The following SZT2 variants were observed in gnomAD, a reference collection of about 807,000 sequenced individuals.
SZT2 encodes the protein SZT2 subunit of KICSTOR complex, also known as KICSTOR complex protein SZT2.
SZT2 carries 216 observed loss-of-function variants against 404.2 expected under a neutral mutation model. The ratio of observed to expected loss-of-function variants is 0.53; its 90% CI spans 0.48 to 0.60. SZT2 has a LOEUF of 0.60. Among genes scored for constraint, SZT2 ranks in the 20% least tolerant of loss-of-function variants. The probability of loss-of-function intolerance (pLI) is 0.00; values close to 1 mark genes in which losing one functional copy is unlikely to be tolerated. For synonymous variants in SZT2, 1,693 were observed against 1,749.9 expected (o/e 0.97, Z 0.81); for missense variants, 3,857 against 4,459.2 (o/e 0.86, Z 3.85).
rs1301582193 is a variant in SZT2 at position 43,389,973 on chromosome 1, C to T, written c.5C>T (p.Ala2Val). Residue 2 changes from alanine to valine, a missense_variant, in exon 1 of 72, where the codon GCC (alanine) becomes GTC (valine). Transcript: ENST00000634258. The part of the protein sequence containing the change: M[A>V]SERPEPEVEE... Reference sequence around the variant, plus strand: ...CCGGCGCGGGAGGGCTGTGTGATGGCCTCGGAGCGCCCGGAGCCGGAGGTG... The same window carrying T: ...CCGGCGCGGGAGGGCTGTGTGATGGTCTCGGAGCGCCCGGAGCCGGAGGTG... The T allele has an allele frequency of 2.3e-5, 33 of 1,405,862 alleles. No individual in the cohort carries two copies. Among genetic ancestry groups the T allele is most frequent in the Non-Finnish European group, 3.0e-5 (33 of 1,082,320 alleles). The allele number at this position is 1,405,862 out of a possible 1,614,324, so 87.1% of individuals were successfully genotyped here.
At chr1:43,432,124 A>G in intron 36 of SZT2, 148 bp from the exon 37 acceptor site, 1 of 1,098,818 alleles carries the variant, frequency 9.1e-7, no homozygotes, top group Non-Finnish European at 1.3e-6. Context: ...AACCTTAGGC[A>G]AGTCACTGAA....
intron 4 of SZT2, among the ~76,000 whole-genome samples, chr1:43,407,827 CTT>C (rs1273177130): frequency 1.7e-3 from 163 of 94,450 alleles, no homozygotes; most frequent in Middle Eastern, 0.019. Context: ...AAATTCTAAC[CTT>C]TTTTTTTTTT....
At chr1:43,429,577 T>C in intron 28 of SZT2, 126 bp from the exon 29 acceptor site, 3 of 1,163,278 alleles carry the variant, frequency 2.6e-6, no homozygotes, top group Non-Finnish European at 3.7e-6. Flanking sequence ...TTACCACCCA[T>C]GCCATTACGC....
Position 43,396,578 on chromosome 1 carries a change from C to T in SZT2, c.27+6583C>T, listed in dbSNP as rs76434812. On this transcript the variant is annotated intron_variant, in intron 1 of 71. Coordinates refer to ENST00000634258, the MANE Select transcript of SZT2 (RefSeq NM_001365999.1). ...TTCTGACTCAAAGAAGAGAGGTAAACAGCAACACTTTGTTATTACTAATCT... is the reference window on the plus strand; with the variant it reads ...TTCTGACTCAAAGAAGAGAGGTAAATAGCAACACTTTGTTATTACTAATCT... Among the ~76,000 whole-genome samples the T allele has an allele frequency of 3.0e-3, 450 of 152,302 alleles. 5 individuals are homozygous for T. Among genetic ancestry groups the T allele is most frequent in the African/African-American group, 0.01 (429 of 41,552 alleles).
At position 43,442,290 on chromosome 1, in the gene SZT2, C is replaced by A. The variant is rs773642457; in HGVS notation, c.7896C>A (p.Phe2632Leu). 4 of 1,613,902 alleles carry A rather than the reference C, an allele frequency of 2.5e-6. No individual in the cohort carries two copies. The highest frequency in any genetic ancestry group is 3.4e-6 in the Non-Finnish European group (4 of 1,179,910). Reference sequence around the variant, plus strand: ...TAGCTGCCAAAGCCATGCAGCGCTTCGAGCCAGGAGGTGATGGGAGCTCAG... The same window carrying A: ...TAGCTGCCAAAGCCATGCAGCGCTTAGAGCCAGGAGGTGATGGGAGCTCAG... ...TQQAAKAMQR[F>L]EPGGDGSSGR... The change falls in exon 57 of 72, where the codon TTC (phenylalanine) becomes TTA (leucine). Residue 2632 changes from phenylalanine (F) to leucine (L), a missense_variant. Phe to Leu is a conservative substitution (Grantham distance 22). This residue lies in a region of SZT2 where 573 missense variants were observed against 592.4 expected (regional missense o/e 0.97). Transcript: ENST00000634258. This position sits in a 1 kb window ranked among gnomAD's most constrained non-coding sequence, Gnocchi z 4.5.
chr1:43,437,513 G>A lies in SZT2; in HGVS notation c.6290+5G>A. ...AAAGGCTGTGTACTATCTTCGGTAT[G>A]TGGCCCTTGGAAGGTGGGTAGGGCA... On this transcript the variant is annotated splice_donor_5th_base_variant and intron_variant, in intron 44 of 71. Transcript: ENST00000634258. The surrounding 1 kb of genome is among the most constrained non-coding windows in gnomAD (Gnocchi z 5.3). The A allele has an allele frequency of 6.2e-7, 1 of 1,614,156 alleles. No homozygotes were observed.
chr1:43,425,233 G>A lies in SZT2; in HGVS notation c.2645+26G>A, dbSNP rs768770459. 3.2e-5 allele frequency: 51 copies of A among 1,611,836 alleles called. 1 individual carries two copies. In the South Asian group the frequency reaches 4.5e-4, roughly 14 times the overall value. ...GTGAGACAGGCCATCTGTGAGGGCC[G>A]CCTCTGCAGAGTCAGCCTTCTCCCC... On this transcript the variant is annotated intron_variant, in intron 18 of 71. Coordinates refer to ENST00000634258, the MANE Select transcript of SZT2 (RefSeq NM_001365999.1). The surrounding 1 kb of genome is among the most constrained non-coding windows in gnomAD (Gnocchi z 4.3).
chr1:43,432,550 C>T lies in SZT2; in HGVS notation c.5476C>T (p.Pro1826Ser). Reference sequence around the variant, plus strand: ...AGCCAGCCCCCAAGCACCTGGGTCCCCAGAGGATTCTGAGGGTGTCCCCCT... The same window carrying T: ...AGCCAGCCCCCAAGCACCTGGGTCCTCAGAGGATTCTGAGGGTGTCCCCCT... ...LTASPQAPGS[P>S]EDSEGVPLIS... Residue 1826 changes from proline to serine, a missense_variant, in exon 38 of 72, where the codon CCA becomes TCA. Physicochemically the swap from Pro to Ser is moderately conservative, Grantham distance 74. Coordinates refer to ENST00000634258, the MANE Select transcript of SZT2 (RefSeq NM_001365999.1). 1 of 1,613,314 alleles carries T rather than the reference C, an allele frequency of 6.2e-7. No homozygotes were observed. The highest frequency in any genetic ancestry group is 1.1e-5 in the South Asian group (1 of 90,972).
Position 43,406,207 on chromosome 1 carries a change from C to G in SZT2, c.498+1657C>G, listed in dbSNP as rs1240639192. On this transcript the variant is annotated intron_variant, in intron 4 of 71. Transcript: ENST00000634258. ...GGTTCAAGCAATTCTCCTGCCTCAG[C>G]CTTTCAAGTAGCTGGGATTACAGGT... 7 of 275,206 alleles carry G rather than the reference C, an allele frequency of 2.5e-5. No homozygotes were observed. In the Admixed American group the frequency reaches 3.7e-4, roughly 14 times the overall value. The allele number at this position is 275,206 out of a possible 1,614,324, so 17.0% of individuals were successfully genotyped here.
Position 43,453,660 on chromosome 1 carries a change from G to T in SZT2, c.*3180G>T. 6.7e-7 allele frequency: 1 copy of T among 1,485,736 alleles called. No homozygotes were observed. The highest frequency in any genetic ancestry group is 8.9e-7 in the Non-Finnish European group (1 of 1,125,848). 92.0% of individuals were successfully genotyped at this position (1,485,736 alleles called of 1,614,324 possible). A position where few individuals can be genotyped will look rare whatever the true frequency, so the allele number is the denominator to read the frequency against. ...TCGCGCGGCGCGCGCCAGCGCCTCA[G>T]GCGTCTCCGCGTACGGCCAGGCCAC... is the stretch of plus-strand genomic sequence containing the variant. On this transcript the variant is annotated 3_prime_UTR_variant, in exon 72 of 72. Transcript: ENST00000634258.
intron 14 of SZT2, 34 bp downstream of exon 14, chr1:43,422,917 G>A (rs1652583671): frequency 1.3e-6 from 2 of 1,546,186 alleles, no homozygotes; most frequent in Admixed American, 1.9e-5. Context: ...TGACCAAGGA[G>A]CCCTAGGGTG....
intron 12 of SZT2, 22 bp from the exon 13 acceptor site, chr1:43,422,458 C>A: frequency 6.4e-7 from 1 of 1,553,664 alleles, no homozygotes; most frequent in Admixed American, 1.8e-5. Flanking sequence ...GGTCTAACCT[C>A]AGTCCACACC....
rs756544898 is a variant in SZT2, at chr1:43,431,303, C to A, written c.4955C>A (p.Pro1652Gln). 1 of 1,613,092 alleles carries A rather than the reference C, an allele frequency of 6.2e-7. No homozygotes were observed. Among genetic ancestry groups the A allele is most frequent in the African/African-American group, 1.3e-5 (1 of 74,998 alleles). Residue 1652 changes from proline (P) to glutamine (Q), a missense_variant, in exon 34 of 72, where the codon CCA becomes CAA. By Grantham distance (76) the Pro-to-Gln change is moderately conservative. Around this residue, in one of 7 missense-constraint regions of SZT2, gnomAD observed 1,725 missense variants for 1,881.0 expected, o/e 0.92. Transcript: ENST00000634258. ...AGCAGTGCTTCATTTCCACGATCCC[C>A]AGGGCAGCCATCATCTTTAAGGTCA... ...SESSASFPRS[P>Q]GQPSSLRSDD...
At chr1:43,392,391 G>T (rs893666516) in intron 1 of SZT2, among the ~76,000 whole-genome samples, 1 of 151,980 alleles carries the variant, frequency 6.6e-6, no homozygotes, top group Non-Finnish European at 1.5e-5. Flanking sequence ...ACACAATCCT[G>T]GGAGTCTCAG....
chr1:43,442,706 C>T lies in SZT2; in HGVS notation c.8151+88C>T. On this transcript the variant is annotated intron_variant, in intron 58 of 71. Coordinates refer to ENST00000634258, the MANE Select transcript of SZT2 (RefSeq NM_001365999.1). The surrounding 1 kb of genome is among the most constrained non-coding windows in gnomAD (Gnocchi z 4.5). ...CAGCTCAGAAGCCAGAAAGATGGGA[C>T]AGACTGAGGGCAGAGGTAGTGGGGA... The T allele has an allele frequency of 6.5e-7, 1 of 1,535,094 alleles. No individual in the cohort carries two copies. Among genetic ancestry groups the T allele is most frequent in the South Asian group, 1.3e-5 (1 of 79,396 alleles).
chr1:43,452,055 G>A lies in SZT2; in HGVS notation c.*1575G>A, dbSNP rs758132876. On this transcript the variant is annotated 3_prime_UTR_variant, in exon 72 of 72. Transcript: ENST00000634258. ...TGCTGTGAATAGAGCTCCTTCCCAA[G>A]TTTGTCCCCCATCAGTCAGTCACTG... is the stretch of plus-strand genomic sequence containing the variant. The A allele has an allele frequency of 6.3e-7, 1 of 1,575,646 alleles. No homozygotes were observed. Among genetic ancestry groups the A allele is most frequent in the East Asian group, 2.2e-5 (1 of 44,478 alleles).
rs1654095006 is a variant in SZT2 at position 43,433,098 on chromosome 1, T to C, written c.5712T>C (p.Pro1904=). The C allele has an allele frequency of 2.5e-6, 4 of 1,614,038 alleles. No individual in the cohort carries two copies. Among genetic ancestry groups the C allele is most frequent in the Non-Finnish European group, 3.4e-6 (4 of 1,180,034 alleles). Residue 1904 remains proline (P), a synonymous_variant, in exon 40 of 72, where the codon CCT becomes CCC. Transcript: ENST00000634258. ...CACCTGGGCCAGCACCTCCACAGCC[T>C]TCACTCTCAGGCCTCCCTGGGCCCT... ...RTPPGPAPPQ[P]SLSGLPGPCL...
rs1242643770 is a variant in SZT2 at position 43,425,552 on chromosome 1, G to A, written c.2724G>A (p.Val908=). The A allele has an allele frequency of 1.9e-6, 3 of 1,614,216 alleles. No individual in the cohort carries two copies. The highest frequency in any genetic ancestry group is 2.5e-6 in the Non-Finnish European group (3 of 1,180,046). ...CAGAGCTCAATCTGGTCACTGAGGT[G>A]TGGGTGGAGCCACAGTATGGGCGAG... is the stretch of plus-strand genomic sequence containing the variant. ...GDSELNLVTE[V]WVEPQYGRVG... is the part of the protein sequence containing the mutation. The change falls in exon 19 of 72, where the codon GTG becomes GTA. Residue 908 remains valine (V), a synonymous_variant. Transcript: ENST00000634258. The surrounding 1 kb of genome is among the most constrained non-coding windows in gnomAD (Gnocchi z 4.3).
Position 43,439,798 on chromosome 1 carries a change from G to T in SZT2, c.7042+29G>T. The T allele has an allele frequency of 1.9e-6, 3 of 1,568,090 alleles. No homozygotes were observed. The highest frequency in any genetic ancestry group is 2.6e-6 in the Non-Finnish European group (3 of 1,155,048). The stretch of plus-strand genomic sequence containing the variant: ...GGACAGCTTGGTCAGAGGATGAGGT[G>T]TTCAGTTATTGCTGTGGGAGGTAAG... On this transcript the variant is annotated intron_variant, in intron 50 of 71. Transcript: ENST00000634258. The surrounding 1 kb of genome is among the most constrained non-coding windows in gnomAD (Gnocchi z 4.2).
Sources: gnomAD v4.1 joint callset for allele counts (sites outside exome capture counted in the v4.1 genomes callset) on GRCh38, gnomAD v4.1.1 for gene constraint, gnomAD v4.1.1 regional missense constraint, Gnocchi (gnomAD v3.1) non-coding constraint, MANE v1.5 for transcripts, NCBI Gene and HGNC (gene_info 2026-07-23, HGNC 2026-07-21) for gene names.